Variants in UNC79 observed in about 807,000 individuals in gnomAD.
The protein encoded by UNC79 is protein unc-79 homolog.
Under a neutral mutation model 283.1 loss-of-function variants are expected in UNC79, and 37 were observed. That is an observed-to-expected ratio of 0.13 (90% CI 0.10 to 0.17). The LOEUF (loss-of-function observed/expected upper bound fraction) is 0.17, where lower values mean the gene tolerates loss of function less well. UNC79 is among the 10% of genes least tolerant of loss of function. UNC79 has a pLI of 1.00. For synonymous variants in UNC79, 1,107 were observed against 1,200.2 expected (o/e 0.92, Z 1.61); for missense variants, 2,272 against 3,211.1 (o/e 0.71, Z 7.07).
chr14:93,540,484 G>A (rs575541768), intron 12 of UNC79, among the ~76,000 whole-genome samples, 176 bp from the exon 13 acceptor site: 2 of 152,176 alleles, frequency 1.3e-5, no homozygotes, highest in South Asian at 2.1e-4. Flanking sequence ...AATAGAATGA[G>A]GCATCCTGGA....
intron 1 of UNC79, among the ~76,000 whole-genome samples, chr14:93,441,135 T>A (rs1236722754): frequency 6.6e-6 from 1 of 152,110 alleles, no homozygotes; most frequent in Non-Finnish European, 1.5e-5. Flanking sequence ...TAAATACTAA[T>A]AACTAATATC....
chr14:93,571,895 T>C (rs2063225647), exon 15 of UNC79: 1 of 1,613,794 alleles, frequency 6.2e-7, no homozygotes, highest in Non-Finnish European at 8.5e-7. Flanking sequence ...CCTCTTCAGG[T>C]TGGTGGCTAC....
intron 1 of UNC79, among the ~76,000 whole-genome samples, chr14:93,350,504 A>G (rs1443592891): frequency 6.6e-6 from 1 of 152,214 alleles, no homozygotes; most frequent in Non-Finnish European, 1.5e-5. Context: ...GTAAGTGGTT[A>G]TAAGGTATAA....
chr14:93,617,840 C>T lies in UNC79; in HGVS notation c.4225-352C>T, dbSNP rs903269957. ...GGTAGGTTGCCTGACTCCGGGAGTTCGAGCCCAGCCTGAGCAACATGGTGA... is the reference window on the plus strand; with the variant it reads ...GGTAGGTTGCCTGACTCCGGGAGTTTGAGCCCAGCCTGAGCAACATGGTGA... On this transcript the variant is annotated intron_variant, in intron 28 of 48. Coordinates refer to ENST00000555664, the Ensembl canonical transcript of UNC79. This position sits in a 1 kb window ranked among gnomAD's most constrained non-coding sequence, Gnocchi z 4.5. Among the ~76,000 whole-genome samples, 4 of 151,936 alleles carry T rather than the reference C, an allele frequency of 2.6e-5. No homozygotes were observed. The highest frequency in any genetic ancestry group is 9.7e-5 in the African/African-American group (4 of 41,358).
chr14:93,610,398 C>T (rs2066212776), intron 26 of UNC79, among the ~76,000 whole-genome samples: 1 of 152,166 alleles, frequency 6.6e-6, no homozygotes, highest in Non-Finnish European at 1.5e-5. Flanking sequence ...TACATGTTCT[C>T]TTCAACCTTG....
At chr14:93,487,899 A>G (rs1014076579) in intron 5 of UNC79, 144 bp downstream of exon 5, 61 of 676,116 alleles carry the variant, frequency 9.0e-5, no homozygotes, top group Non-Finnish European at 1.4e-4. Flanking sequence ...GAATCAATTT[A>G]TCTTGCCTAT....
intron 14 of UNC79, among the ~76,000 whole-genome samples, chr14:93,566,409 C>T (rs1324456428): frequency 1.3e-5 from 2 of 152,032 alleles, no homozygotes; most frequent in African/African-American, 2.4e-5. Flanking sequence ...AGGCAAAGAG[C>T]GGGAATTGAC....
Position 93,618,266 on chromosome 14 carries a change from G to A in UNC79, c.4299G>A (p.Ala1433=), listed in dbSNP as rs773923678. 32 of 1,613,824 alleles carry A rather than the reference G, an allele frequency of 2.0e-5. No individual in the cohort carries two copies. In the South Asian group the frequency reaches 2.3e-4, roughly 12 times the overall value. The change falls in exon 29 of 49, where the codon GCG becomes GCA. Residue 1433 remains alanine, a synonymous_variant. Coordinates refer to ENST00000555664, the Ensembl canonical transcript of UNC79. ...ACATAACAGTCAATACACTCAATGC[G>A]CAGTATCATAGCTGCAAGCCCCATG...
chr14:93,707,292 T>C (rs2075934184), downstream of UNC79: 1 of 164,640 alleles, frequency 6.1e-6, no homozygotes, highest in Non-Finnish European at 1.3e-5. Context: ...TGTTTTTTCT[T>C]AAAATCCACT....
intron 11 of UNC79, among the ~76,000 whole-genome samples, chr14:93,537,549 A>G (rs932987404): frequency 5.9e-5 from 9 of 152,198 alleles, no homozygotes; most frequent in Non-Finnish European, 1.2e-4. Flanking sequence ...AATAATTTTG[A>G]AAGAGTTTAT....
intron 22 of UNC79, 136 bp downstream of exon 22, chr14:93,587,044 C>G: frequency 9.6e-7 from 1 of 1,039,312 alleles, no homozygotes. Flanking sequence ...ATGATAACTA[C>G]TTTTATTTTT....
chr14:93,429,269 A>G (rs1022679010), upstream of UNC79, among the ~76,000 whole-genome samples: 1 of 152,218 alleles, frequency 6.6e-6, no homozygotes, highest in African/African-American at 2.4e-5. Context: ...ATAATCATTT[A>G]TCTTTTACTA....
In UNC79 at chr14:93,414,043, T is replaced by C. The variant is rs1353072233; in HGVS notation, c.-350-53628T>C. ...GCTCTCTAGTTTAATTAGATCCCAT[T>C]TGTCAATTTTGGCTTTTGTTGCCAT... On this transcript the variant is annotated intron_variant, in intron 1 of 49. Coordinates refer to the UNC79 transcript ENST00000256339. 2.6e-5 allele frequency among the ~76,000 whole-genome samples: 4 copies of C among 152,200 alleles called. No homozygotes were observed. The East Asian group carries it at 7.7e-4, about 29-fold the overall frequency.
chr14:93,698,477 T>A (rs7151304), intron 47 of UNC79, among the ~76,000 whole-genome samples: 1,635 of 34,946 alleles, frequency 0.047, 55 homozygotes, highest in African/African-American at 0.2. Flanking sequence ...TTAGTTTAGG[T>A]TTTTTTTTTT....
At chr14:93,475,206 G>A (rs940154853) in intron 3 of UNC79, among the ~76,000 whole-genome samples, 17 of 152,256 alleles carry the variant, frequency 1.1e-4, no homozygotes, top group African/African-American at 4.1e-4. Context: ...GATTTCTGCA[G>A]GTAATGCACT....
chr14:93,593,628 T>C (rs2064851284), intron 22 of UNC79, 52 bp from the exon 23 acceptor site: 1 of 1,564,638 alleles, frequency 6.4e-7, no homozygotes, highest in Non-Finnish European at 8.6e-7. Flanking sequence ...AGGATCTTTT[T>C]CTGGAAAAGT....
rs149208306 is a variant in UNC79, at chr14:93,412,668, G to T, written c.-350-55003G>T. 2.0e-4 allele frequency among the ~76,000 whole-genome samples: 30 copies of T among 152,132 alleles called. No individual in the cohort carries two copies. The East Asian group carries it at 5.7e-3, about 29-fold the overall frequency. ...GTGTCTTACAACCTTCTTGTACTTG[G>T]ATGTTGATATCTTTCTCTATGTTTG... On this transcript the variant is annotated intron_variant, in intron 1 of 49. Transcript: ENST00000256339.
At chr14:93,554,065 G>T (rs191956070) in intron 14 of UNC79, among the ~76,000 whole-genome samples, 5 of 152,264 alleles carry the variant, frequency 3.3e-5, no homozygotes, top group African/African-American at 1.2e-4. Context: ...AGTAAAGACA[G>T]CATGGCTGGG....
At chr14:93,463,733 G>A (rs548262585) in intron 1 of UNC79, among the ~76,000 whole-genome samples, 1 of 152,302 alleles carries the variant, frequency 6.6e-6, no homozygotes, top group South Asian at 2.1e-4. Context: ...CAGTAGCCCT[G>A]TGAAGTTGAT....
Sources: gnomAD v4.1 joint callset for allele counts (sites outside exome capture counted in the v4.1 genomes callset) on GRCh38, gnomAD v4.1.1 for gene constraint, Gnocchi (gnomAD v3.1) non-coding constraint, MANE v1.5 for transcripts, NCBI Gene and HGNC (gene_info 2026-07-23, HGNC 2026-07-21) for gene names.